The following WFS1 variants were observed in gnomAD, a reference collection of about 807,000 sequenced individuals.
WFS1 encodes wolframin ER transmembrane glycoprotein.
WFS1 carries 90 observed loss-of-function variants against 68.5 expected under a neutral mutation model. That is an observed-to-expected ratio of 1.31 (90% CI 1.11 to 1.56). The LOEUF (loss-of-function observed/expected upper bound fraction) is 1.56, where lower values mean the gene tolerates loss of function less well. WFS1 is among the 40% of genes most tolerant of loss of function. The probability of loss-of-function intolerance (pLI) is 0.00; values close to 1 mark genes in which losing one functional copy is unlikely to be tolerated. For missense variants in WFS1, 1,767 were observed against 1,232.6 expected, an observed-to-expected ratio of 1.43 and a Z score of -6.49; for synonymous variants, 860 against 540.7, an observed-to-expected ratio of 1.59 and a Z score of -8.19.
At position 6,302,401 on chromosome 4, in the gene WFS1, G is replaced by A. The variant is rs759360634; in HGVS notation, c.2606G>A (p.Ser869Asn). The A allele has an allele frequency of 3.1e-6, 5 of 1,613,122 alleles. No homozygotes were observed. Among genetic ancestry groups the A allele is most frequent in the African/African-American group, 1.3e-5 (1 of 75,060 alleles). Residue 869 changes from serine to asparagine, a missense_variant, in exon 8 of 8, where the codon AGC becomes AAC. Ser to Asn is a conservative substitution (Grantham distance 46). Coordinates refer to ENST00000226760, the MANE Select transcript of WFS1 (RefSeq NM_006005.3). ...GTGAAGATCGAGCACGACTGGCGCA[G>A]CACCGTGCATGGCGCCGTGAAGTTC... ...RHVKIEHDWR[S>N]TVHGAVKFAF...
In WFS1 at chr4:6,277,459, G is replaced by A; in HGVS notation, c.4G>A (p.Asp2Asn). Residue 2 changes from aspartate to asparagine, a missense_variant, in exon 2 of 8, where the codon GAC (aspartate) becomes AAC (asparagine). Asp to Asn is a conservative substitution (Grantham distance 23, BLOSUM62 1). Coordinates refer to ENST00000226760, the MANE Select transcript of WFS1 (RefSeq NM_006005.3). ...CTTGACTTTTCTTCCAGGCAGGATGGACTCCAACACTGCTCCGCTGGGCCC... is the reference window on the plus strand; with the variant it reads ...CTTGACTTTTCTTCCAGGCAGGATGAACTCCAACACTGCTCCGCTGGGCCC... M[D>N]SNTAPLGPSC... The A allele has an allele frequency of 6.4e-7, 1 of 1,553,896 alleles. No homozygotes were observed. The highest frequency in any genetic ancestry group is 8.7e-7 in the Non-Finnish European group (1 of 1,148,790).
chr4:6,283,117 CCCTAGGTAGTG>C lies in WFS1; in HGVS notation c.233-3972_233-3962del, dbSNP rs1157343877. Among the ~76,000 whole-genome samples the C allele has an allele frequency of 1.3e-5, 2 of 152,144 alleles. No homozygotes were observed. Among genetic ancestry groups the C allele is most frequent in the Non-Finnish European group, 2.9e-5 (2 of 68,030 alleles). On this transcript the variant is annotated intron_variant, in intron 2 of 7. Coordinates refer to ENST00000226760, the MANE Select transcript of WFS1 (RefSeq NM_006005.3). This position sits in a 1 kb window ranked among gnomAD's most constrained non-coding sequence, Gnocchi z 5.0. ...GGGAAGGGGCGCATCCTGGAGGATGCCCTAGGTAGTGCCTGAGAAAGTGAGGGTCATTGACT... is the reference window on the plus strand; with the variant it reads ...GGGAAGGGGCGCATCCTGGAGGATGCCCTGAGAAAGTGAGGGTCATTGACT...
rs1730938480 is a variant in WFS1, at chr4:6,301,853, C to G, written c.2058C>G (p.Thr686=). 6.2e-7 allele frequency: 1 copy of G among 1,613,018 alleles called. No homozygotes were observed. The highest frequency in any genetic ancestry group is 8.5e-7 in the Non-Finnish European group (1 of 1,179,904). Reference sequence around the variant, plus strand: ...GGAAGGAGACCAACATGGCGCGCACCCAGATCCTCTGCAGCCACCTGGAGG... The same window carrying G: ...GGAAGGAGACCAACATGGCGCGCACGCAGATCCTCTGCAGCCACCTGGAGG... ...RAWKETNMAR[T]QILCSHLEGH... The change falls in exon 8 of 8, where the codon ACC becomes ACG. Residue 686 remains threonine (T), a synonymous_variant. Coordinates refer to ENST00000226760, the MANE Select transcript of WFS1 (RefSeq NM_006005.3).
intron 3 of WFS1, chr4:6,288,771 G>A: frequency 1.5e-6 from 1 of 658,830 alleles, no homozygotes; most frequent in Non-Finnish European, 2.7e-6. Context: ...CGTGTGGATG[G>A]GGTGGCCACA....
In WFS1 at chr4:6,302,231, C is replaced by T. The variant is rs142630687; in HGVS notation, c.2436C>T (p.Ser812=). The T allele has an allele frequency of 8.9e-5, 143 of 1,607,574 alleles. No homozygotes were observed. Among genetic ancestry groups the T allele is most frequent in the African/African-American group, 7.3e-4 (55 of 74,978 alleles). ...IVLRASSEFK[S]VLLSLRQGSL... is the part of the protein sequence containing the mutation. ...TGCGGGCCAGCAGCGAGTTCAAGAG[C>T]GTGCTGCTCAGCCTGCGCCAGGGCA... The change falls in exon 8 of 8, where the codon AGC becomes AGT. Residue 812 remains serine (S), a synonymous_variant. Coordinates refer to ENST00000226760, the MANE Select transcript of WFS1 (RefSeq NM_006005.3).
intron 2 of WFS1, among the ~76,000 whole-genome samples, chr4:6,285,307 G>T (rs879861365): frequency 3.3e-5 from 5 of 150,952 alleles, no homozygotes; most frequent in Non-Finnish European, 7.4e-5. Context: ...GGAGCCTCTA[G>T]GGAGGGGTAC....
chr4:6,293,581 G>A (rs1366065891), intron 6 of WFS1, among the ~76,000 whole-genome samples: 1 of 152,128 alleles, frequency 6.6e-6, no homozygotes, highest in African/African-American at 2.4e-5. Flanking sequence ...TGTCAGCAGC[G>A]TGGGCAGAGA....
chr4:6,302,118 T>C lies in WFS1; in HGVS notation c.2323T>C (p.Phe775Leu). The C allele has an allele frequency of 1.2e-6, 2 of 1,612,850 alleles. No individual in the cohort carries two copies. The highest frequency in any genetic ancestry group is 1.7e-6 in the Non-Finnish European group (2 of 1,179,988). Residue 775 changes from phenylalanine to leucine, a missense_variant, in exon 8 of 8, where the codon TTT becomes CTT. Coordinates refer to ENST00000226760, the MANE Select transcript of WFS1 (RefSeq NM_006005.3). ...CHIKKFDRYK[F>L]EITVGMPFSS... Reference sequence around the variant, plus strand: ...CATCAAGAAGTTCGACCGCTACAAGTTTGAGATTACCGTGGGCATGCCATT... The same window carrying C: ...CATCAAGAAGTTCGACCGCTACAAGCTTGAGATTACCGTGGGCATGCCATT...
chr4:6,279,243 G>T (rs1259982276), intron 2 of WFS1, among the ~76,000 whole-genome samples: 2 of 152,228 alleles, frequency 1.3e-5, no homozygotes, highest in Admixed American at 1.3e-4. Flanking sequence ...CAACATAGGT[G>T]GGTGAGCATC....
chr4:6,300,836 G>A lies in WFS1; in HGVS notation c.1041G>A (p.Leu347=), dbSNP rs534527637. The A allele has an allele frequency of 1.9e-6, 3 of 1,614,068 alleles. No individual in the cohort carries two copies. The highest frequency in any genetic ancestry group is 1.1e-5 in the South Asian group (1 of 91,064). Residue 347 remains leucine, a synonymous_variant, in exon 8 of 8, where the codon CTG becomes CTA. Coordinates refer to ENST00000226760, the MANE Select transcript of WFS1 (RefSeq NM_006005.3). ...TIDFFAFFIP[L]VIFYLSFISM... is the part of the protein sequence containing the mutation. ...ACTTCTTCGCCTTCTTCATCCCGCTGGTCATCTTCTACCTGTCCTTCATCT... is the reference window on the plus strand; with the variant it reads ...ACTTCTTCGCCTTCTTCATCCCGCTAGTCATCTTCTACCTGTCCTTCATCT...
Position 6,298,220 on chromosome 4 carries a change from C to T in WFS1, c.862-2437C>T, listed in dbSNP as rs185181314. Among the ~76,000 whole-genome samples the T allele has an allele frequency of 5.9e-5, 9 of 152,334 alleles. No individual in the cohort carries two copies. The East Asian group carries it at 1.2e-3, about 20-fold the overall frequency. On this transcript the variant is annotated intron_variant, in intron 7 of 7. Coordinates refer to ENST00000226760, the MANE Select transcript of WFS1 (RefSeq NM_006005.3). The stretch of plus-strand genomic sequence containing the variant: ...ATTAACTGAGCAGCCTGCCGGCTGA[C>T]GCACATGTTGACTCGTGTAGCTGTT...
At chr4:6,288,382 A>C (rs1730370817) in intron 3 of WFS1, 1 of 158,278 alleles carries the variant, frequency 6.3e-6, no homozygotes, top group South Asian at 1.9e-4. Context: ...GTAGAATGAG[A>C]AGACTGGACC....
rs758445852 is a variant in WFS1, at chr4:6,295,079, A to C, written c.751A>C (p.Thr251Pro). The C allele has an allele frequency of 1.2e-6, 2 of 1,613,524 alleles. No individual in the cohort carries two copies. Among genetic ancestry groups the C allele is most frequent in the Non-Finnish European group, 1.7e-6 (2 of 1,180,022 alleles). Residue 251 changes from threonine (T) to proline (P), a missense_variant, in exon 7 of 8, where the codon ACT becomes CCT. By Grantham distance (38) the Thr-to-Pro change is conservative. Coordinates refer to ENST00000226760, the MANE Select transcript of WFS1 (RefSeq NM_006005.3). ...YIALDDFVEI[T>P]KKYAKGVIPS... ...CGCGCTGGATGACTTTGTGGAGATC[A>C]CTAAGAAGTACGCCAAGGGCGTCAT...
rs776324301 is a variant in WFS1 at position 6,302,433 on chromosome 4, G to C, written c.2638G>C (p.Asp880His). The change falls in exon 8 of 8, where the codon GAC becomes CAC. Residue 880 changes from aspartate to histidine, a missense_variant. Coordinates refer to ENST00000226760, the MANE Select transcript of WFS1 (RefSeq NM_006005.3). ...TVHGAVKFAF[D>H]FFFFPFLSAA is the part of the protein sequence containing the mutation. ...GCATGGCGCCGTGAAGTTCGCCTTC[G>C]ACTTCTTTTTCTTCCCATTCCTGTC... is the stretch of plus-strand genomic sequence containing the variant. 3.1e-6 allele frequency: 5 copies of C among 1,613,056 alleles called. No individual in the cohort carries two copies. The highest frequency in any genetic ancestry group is 4.2e-6 in the Non-Finnish European group (5 of 1,180,040).
intron 2 of WFS1, among the ~76,000 whole-genome samples, chr4:6,284,710 G>T (rs1474979960): frequency 6.6e-6 from 1 of 151,798 alleles, no homozygotes; most frequent in South Asian, 2.1e-4. Context: ...TCACTACAAA[G>T]CATCTCTTTT....
chr4:6,288,825 T>C, intron 3 of WFS1, 162 bp from the exon 4 acceptor site: 3 of 1,081,404 alleles, frequency 2.8e-6, no homozygotes, highest in Non-Finnish European at 4.1e-6. Flanking sequence ...GGAGGCTCAG[T>C]AGGGCCTAGC....
rs71524349 is a variant in WFS1 at position 6,289,024 on chromosome 4, A to C, written c.353A>C (p.Asp118Ala). 4.9e-4 allele frequency: 794 copies of C among 1,608,038 alleles called. No individual in the cohort carries two copies. The African/African-American group carries it at 9.0e-3, about 18-fold the overall frequency. Residue 118 changes from aspartate to alanine, a missense_variant, in exon 4 of 8, where the codon GAT (aspartate) becomes GCT (alanine). Transcript: ENST00000226760. ...TACCTGCAGTTGGCCGGCGACACGG[A>C]TGAAGAACTCAACAGCTGCACCGCT... ...KHYLQLAGDT[D>A]EELNSCTAVD...
Position 6,294,048 on chromosome 4 carries a change from C to T in WFS1, c.713-993C>T, listed in dbSNP as rs28729642. 0.11 allele frequency among the ~76,000 whole-genome samples: 17,133 copies of T among 152,216 alleles called. 1,463 individuals carry two copies. The highest frequency in any genetic ancestry group is 0.23 in the African/African-American group (9,362 of 41,498). ...ACCTGGGTGCTGCCCCGACTCCTCT[C>T]CTCTTGCACACACAGCTGATCCATT... On this transcript the variant is annotated intron_variant, in intron 6 of 7. Transcript: ENST00000226760.
intron 7 of WFS1, among the ~76,000 whole-genome samples, chr4:6,296,997 T>C (rs767302886): frequency 1.3e-5 from 2 of 152,198 alleles, no homozygotes; most frequent in Non-Finnish European, 2.9e-5. Context: ...CTGATTTTTT[T>C]GAAAACATTT....
Sources: gnomAD v4.1 joint callset for allele counts (sites outside exome capture counted in the v4.1 genomes callset) on GRCh38, gnomAD v4.1.1 for gene constraint, Gnocchi (gnomAD v3.1) non-coding constraint, MANE v1.5 for transcripts, NCBI Gene and HGNC (gene_info 2026-07-23, HGNC 2026-07-21) for gene names.